The following IGSF3 variants were observed in gnomAD, a reference collection of about 807,000 sequenced individuals.
IGSF3 encodes the protein immunoglobulin superfamily member 3, also known as glu-Trp-Ile EWI motif-containing protein 3.
Under a neutral mutation model 114.4 loss-of-function variants are expected in IGSF3, and 23 were observed. The observed-to-expected ratio is 0.20, with a 90% CI of 0.14 to 0.28. The LOEUF (loss-of-function observed/expected upper bound fraction) is 0.28. Among genes scored for constraint, IGSF3 ranks in the 10% least tolerant of loss-of-function variants. The pLI is 1.00. For missense variants in IGSF3, 1,172 were observed against 1,591.5 expected (o/e 0.74, Z 4.48); for synonymous variants, 571 against 645.2 (o/e 0.88, Z 1.74).
chr1:116,603,474 T>C lies in IGSF3; in HGVS notation c.1624+150A>G, dbSNP rs1660676674. On this transcript the variant is annotated intron_variant, in intron 6 of 10. Coordinates refer to ENST00000369486, the MANE Select transcript of IGSF3 (RefSeq NM_001007237.3). This position sits in a 1 kb window ranked among gnomAD's most constrained non-coding sequence, Gnocchi z 7.1. ...AATTAAACCCTTATAAGAAATAAAA[T>C]AGACATAAAGGAAAGTACTTCAAAC... The C allele has an allele frequency of 5.3e-6, 4 of 749,568 alleles. No individual in the cohort carries two copies. Among genetic ancestry groups the C allele is most frequent in the South Asian group, 3.6e-5 (2 of 55,412 alleles). 46.4% of individuals were successfully genotyped at this position (749,568 alleles called of 1,614,324 possible).
intron 2 of IGSF3, among the ~76,000 whole-genome samples, chr1:116,652,829 G>A (rs1329746366): frequency 6.6e-6 from 1 of 152,090 alleles, no homozygotes; most frequent in Non-Finnish European, 1.5e-5. Flanking sequence ...AACCAGCCCT[G>A]GACACAAACT....
At chr1:116,590,177 A>C (rs1358314696) in intron 7 of IGSF3, among the ~76,000 whole-genome samples, 1 of 152,038 alleles carries the variant, frequency 6.6e-6, no homozygotes, top group Non-Finnish European at 1.5e-5. Context: ...GTCCTGCTCC[A>C]AAAACAGACA....
rs1258244838 is a variant in IGSF3 at position 116,636,882 on chromosome 1, C to T, written c.44-20425G>A. Among the ~76,000 whole-genome samples, 1 of 152,224 alleles carries T rather than the reference C, an allele frequency of 6.6e-6. No homozygotes were observed. The highest frequency in any genetic ancestry group is 1.5e-5 in the Non-Finnish European group (1 of 68,042). On this transcript the variant is annotated intron_variant, in intron 2 of 10. Transcript: ENST00000369486. The surrounding 1 kb of genome is among the most constrained non-coding windows in gnomAD (Gnocchi z 4.5). The stretch of plus-strand genomic sequence containing the variant: ...AAATGGCTCCACAGATCTACCGGGC[C>T]ATGGAGCTGAGCAGATGGGACTGCA...
At chr1:116,631,462 G>C (rs369305274) in intron 2 of IGSF3, among the ~76,000 whole-genome samples, 12 of 152,274 alleles carry the variant, frequency 7.9e-5, no homozygotes, top group African/African-American at 2.9e-4. Flanking sequence ...AGGGGCCCTG[G>C]CAGAAGATTC....
rs1177283979 is a variant in IGSF3 at position 116,657,874 on chromosome 1, T to C, written c.43+8410A>G. 1.3e-5 allele frequency among the ~76,000 whole-genome samples: 2 copies of C among 152,176 alleles called. No individual in the cohort carries two copies. The highest frequency in any genetic ancestry group is 2.4e-5 in the African/African-American group (1 of 41,438). On this transcript the variant is annotated intron_variant, in intron 2 of 10. Transcript: ENST00000369486. This position sits in a 1 kb window ranked among gnomAD's most constrained non-coding sequence, Gnocchi z 4.2. ...TAAGGCAAGCCTGGGCAAACTGCAC[T>C]ACATCAAAGAAAGAACACACAACTG...
chr1:116,642,242 A>G lies in IGSF3; in HGVS notation c.43+24042T>C, dbSNP rs1177970393. Among the ~76,000 whole-genome samples, 2 of 152,194 alleles carry G rather than the reference A, an allele frequency of 1.3e-5. No individual in the cohort carries two copies. The highest frequency in any genetic ancestry group is 2.4e-5 in the African/African-American group (1 of 41,440). ...GCATGGATTACCTCTTATTAGAAAAAAAAACACGAAATTTTTTGGTAAAAG... is the reference window on the plus strand; with the variant it reads ...GCATGGATTACCTCTTATTAGAAAAGAAAACACGAAATTTTTTGGTAAAAG... On this transcript the variant is annotated intron_variant, in intron 2 of 10. Transcript: ENST00000369486. This position sits in a 1 kb window ranked among gnomAD's most constrained non-coding sequence, Gnocchi z 5.4.
rs538338226 is a variant in IGSF3 at position 116,633,098 on chromosome 1, T to C, written c.44-16641A>G. 6.6e-6 allele frequency among the ~76,000 whole-genome samples: 1 copy of C among 152,342 alleles called. No individual in the cohort carries two copies. Among genetic ancestry groups the C allele is most frequent in the African/African-American group, 2.4e-5 (1 of 41,576 alleles). On this transcript the variant is annotated intron_variant, in intron 2 of 10. Transcript: ENST00000369486. This position sits in a 1 kb window ranked among gnomAD's most constrained non-coding sequence, Gnocchi z 4.3. ...AGTCTTTGGGTTCTGTGAGCTGTAT[T>C]TGGGCTTTATGCAGAGTTCAGCTGC...
chr1:116,606,855 GA>G (rs1360402910), intron 5 of IGSF3, among the ~76,000 whole-genome samples: 6 of 152,282 alleles, frequency 3.9e-5, no homozygotes, highest in African/African-American at 1.4e-4. Flanking sequence ...AAAAAGCTAA[GA>G]AACAAAAGAA....
At chr1:116,653,663 G>T (rs1648730162) in intron 2 of IGSF3, among the ~76,000 whole-genome samples, 1 of 152,184 alleles carries the variant, frequency 6.6e-6, no homozygotes, top group Admixed American at 6.5e-5. Context: ...AGGTCACCAT[G>T]GTCTTTTTCT....
chr1:116,581,225 G>A (rs1174629130), intron 9 of IGSF3, among the ~76,000 whole-genome samples: 1 of 151,748 alleles, frequency 6.6e-6, no homozygotes, highest in African/African-American at 2.4e-5. Context: ...TGTCCTCCCT[G>A]CTTAGGCGGG....
intron 2 of IGSF3, among the ~76,000 whole-genome samples, chr1:116,621,333 G>T (rs1661409344): frequency 6.6e-6 from 1 of 152,068 alleles, no homozygotes; most frequent in Admixed American, 6.6e-5. Flanking sequence ...ATAGCAATGT[G>T]AGAACTGACT....
At position 116,627,537 on chromosome 1, in the gene IGSF3, C is replaced by G. The variant is rs776138314; in HGVS notation, c.44-11080G>C. On this transcript the variant is annotated intron_variant, in intron 2 of 10. Coordinates refer to ENST00000369486, the MANE Select transcript of IGSF3 (RefSeq NM_001007237.3). This position sits in a 1 kb window ranked among gnomAD's most constrained non-coding sequence, Gnocchi z 4.7. ...GGCAGGGCCCCAGCAGTGCGCCTCTCAATGCTCTCACAGCTTCAGGAAGAG... is the reference window on the plus strand; with the variant it reads ...GGCAGGGCCCCAGCAGTGCGCCTCTGAATGCTCTCACAGCTTCAGGAAGAG... Among the ~76,000 whole-genome samples the G allele has an allele frequency of 1.1e-4, 17 of 152,212 alleles. No individual in the cohort carries two copies. The highest frequency in any genetic ancestry group is 5.9e-5 in the Non-Finnish European group (4 of 68,040).
chr1:116,602,452 T>C (rs202048570), intron 6 of IGSF3, among the ~76,000 whole-genome samples: 40 of 151,888 alleles, frequency 2.6e-4, no homozygotes, highest in Admixed American at 1.7e-3. Context: ...TGAGTATGGA[T>C]ACAGGAACTG....
chr1:116,612,044 C>T lies in IGSF3; in HGVS notation c.832+1721G>A, dbSNP rs1212621755. ...ATCAACTTTTTTTTCACTTAGTTTT[C>T]CTTTTGCTGGCTTAGTCTAGATACA... On this transcript the variant is annotated intron_variant, in intron 4 of 10. Transcript: ENST00000369486. The surrounding 1 kb of genome is among the most constrained non-coding windows in gnomAD (Gnocchi z 4.1). Among the ~76,000 whole-genome samples the T allele has an allele frequency of 2.0e-5, 3 of 152,114 alleles. No homozygotes were observed. Among genetic ancestry groups the T allele is most frequent in the African/African-American group, 4.8e-5 (2 of 41,404 alleles).
chr1:116,619,094 G>A (rs1236040007), intron 2 of IGSF3, among the ~76,000 whole-genome samples: 1 of 152,098 alleles, frequency 6.6e-6, no homozygotes, highest in Non-Finnish European at 1.5e-5. Flanking sequence ...CTACCTACAT[G>A]GTGCCAGCCA....
intron 4 of IGSF3, among the ~76,000 whole-genome samples, chr1:116,613,219 T>C (rs1661090301): frequency 6.6e-6 from 1 of 152,210 alleles, no homozygotes; most frequent in African/African-American, 2.4e-5. Flanking sequence ...TAATATGTGA[T>C]AAAGCATTTT....
chr1:116,623,627 G>A (rs535418643), intron 2 of IGSF3, among the ~76,000 whole-genome samples: 3 of 151,230 alleles, frequency 2.0e-5, no homozygotes, highest in South Asian at 2.1e-4. Flanking sequence ...AGCCGAGATC[G>A]CACCACTGCA....
In IGSF3 at chr1:116,590,022, T is replaced by C. The variant is rs191565317; in HGVS notation, c.2030-918A>G. ...GAGTGGGTGAGCGAATGAGAGCACG[T>C]TGGAGAAACACGGCAACAGGTAATT... On this transcript the variant is annotated intron_variant, in intron 7 of 10. Coordinates refer to ENST00000369486, the MANE Select transcript of IGSF3 (RefSeq NM_001007237.3). Among the ~76,000 whole-genome samples the C allele has an allele frequency of 2.0e-5, 3 of 152,002 alleles. No individual in the cohort carries two copies. The East Asian group carries it at 5.8e-4, about 29-fold the overall frequency.
At position 116,589,855 on chromosome 1, in the gene IGSF3, G is replaced by A. The variant is rs761065439; in HGVS notation, c.2030-751C>T. Among the ~76,000 whole-genome samples, 2 of 152,152 alleles carry A rather than the reference G, an allele frequency of 1.3e-5. No homozygotes were observed. The highest frequency in any genetic ancestry group is 2.9e-5 in the Non-Finnish European group (2 of 68,022). On this transcript the variant is annotated intron_variant, in intron 7 of 10. Coordinates refer to ENST00000369486, the MANE Select transcript of IGSF3 (RefSeq NM_001007237.3). This position sits in a 1 kb window ranked among gnomAD's most constrained non-coding sequence, Gnocchi z 5.7. ...TTTCCCACAGGATGCTAAGTGCTGGGGATGCCCTGAAGAGTAAGCCGGAGT... is the reference window on the plus strand; with the variant it reads ...TTTCCCACAGGATGCTAAGTGCTGGAGATGCCCTGAAGAGTAAGCCGGAGT...
Sources: allele counts gnomAD v4.1 joint callset (sites outside exome capture counted in the v4.1 genomes callset), GRCh38; gene constraint gnomAD v4.1.1; non-coding constraint Gnocchi (gnomAD v3.1); transcripts MANE v1.5; gene names NCBI Gene and HGNC (gene_info 2026-07-23, HGNC 2026-07-21).